ERI3: variants seen among roughly 807,000 people sequenced by gnomAD.
ERI3 encodes the protein ERI1 exoribonuclease family member 3.
ERI3 carries 18 observed loss-of-function variants against 44.4 expected under a neutral mutation model. The ratio of observed to expected loss-of-function variants is 0.41; its 90% CI spans 0.28 to 0.60. The LOEUF is 0.60. Ranked by LOEUF, ERI3 falls within the 20% of genes least tolerant of loss-of-function variation. The pLI, the probability that ERI3 is intolerant of heterozygous loss-of-function variation, is 0.36. For synonymous variants in ERI3, 183 were observed against 164.8 expected, an observed-to-expected ratio of 1.11 and a Z score of -0.84; for missense variants, 294 against 435.5, an observed-to-expected ratio of 0.68 and a Z score of 2.89.
rs1644590999 is a variant in ERI3, at chr1:44,248,025, G to A, written c.845C>T (p.Ala282Val). Residue 282 changes from alanine (A) to valine (V), a missense_variant, in exon 8 of 9, where the codon GCC becomes GTC. Physicochemically the swap from Ala to Val is moderately conservative, Grantham distance 64. This residue lies in a region of ERI3 where 187 missense variants were observed against 338.6 expected (regional missense o/e 0.55). Transcript: ENST00000372257. ...WINLKKAYSF[A>V]MGCWPKNGLL... ...TCCATTCTTGGGCCAGCAGCCCATG[G>A]CGAAGCTGTAAGCCTGGAAGACAGG... 1.2e-6 allele frequency: 2 copies of A among 1,611,572 alleles called. No individual in the cohort carries two copies. Among genetic ancestry groups the A allele is most frequent in the African/African-American group, 1.3e-5 (1 of 74,884 alleles).
intron 8 of ERI3, among the ~76,000 whole-genome samples, chr1:44,223,518 G>A (rs1255213542): frequency 6.6e-6 from 1 of 152,120 alleles, no homozygotes; most frequent in Non-Finnish European, 1.5e-5. Context: ...CGGTACCCTA[G>A]GGACCGTGGC....
At chr1:44,294,266 G>C (rs1036084223) in intron 6 of ERI3, among the ~76,000 whole-genome samples, 1 of 152,168 alleles carries the variant, frequency 6.6e-6, no homozygotes. Flanking sequence ...CAGGCTGCTG[G>C]TGCCATGTTG....
intron 5 of ERI3, among the ~76,000 whole-genome samples, chr1:44,310,379 C>T (rs144363654): frequency 1.3e-5 from 2 of 152,254 alleles, no homozygotes; most frequent in East Asian, 1.9e-4. Flanking sequence ...GCCTTCCCTG[C>T]GAATATAAGC....
intron 8 of ERI3, among the ~76,000 whole-genome samples, chr1:44,232,355 G>C: frequency 6.6e-6 from 1 of 152,148 alleles, no homozygotes; most frequent in Admixed American, 6.5e-5. Flanking sequence ...GTTTCTTGCT[G>C]TATCTCAGGA....
At chr1:44,344,272 T>C (rs1646741750) in intron 2 of ERI3, among the ~76,000 whole-genome samples, 1 of 135,288 alleles carries the variant, frequency 7.4e-6, no homozygotes, top group Non-Finnish European at 1.7e-5. Context: ...AATAAATAAA[T>C]AAATAAAATT....
chr1:44,325,800 T>C (rs572796003), intron 3 of ERI3, among the ~76,000 whole-genome samples: 3 of 152,236 alleles, frequency 2.0e-5, no homozygotes, highest in African/African-American at 7.2e-5. Flanking sequence ...TAGCTGGGAT[T>C]ACCATGCCCA....
intron 7 of ERI3, among the ~76,000 whole-genome samples, chr1:44,265,015 G>A (rs534412541): frequency 6.6e-6 from 1 of 152,280 alleles, no homozygotes; most frequent in South Asian, 2.1e-4. Flanking sequence ...ACATGCCCAG[G>A]TATCCAGAGC....
In ERI3 at chr1:44,259,461, CG is replaced by C. The variant is rs556937699; in HGVS notation, c.832-11424del. ...AGCCCATGCAGGACCTCAAAGGACA[CG>C]GTAAGGGCTTTGTACTGTTTCCTAA... On this transcript the variant is annotated intron_variant, in intron 7 of 8. Coordinates refer to ENST00000372257, the MANE Select transcript of ERI3 (RefSeq NM_024066.3). Among the ~76,000 whole-genome samples the C allele has an allele frequency of 2.7e-3, 409 of 152,228 alleles. 4 individuals carry two copies. Among genetic ancestry groups the C allele is most frequent in the Non-Finnish European group, 4.1e-3 (281 of 68,024 alleles).
At chr1:44,267,944 G>GGCACTTT (rs1645020684) in intron 7 of ERI3, among the ~76,000 whole-genome samples, 1 of 152,206 alleles carries the variant, frequency 6.6e-6, no homozygotes, top group South Asian at 2.1e-4. Context: ...AGTCACAGCA[G>GGCACTTT]GCACTAGCAG....
chr1:44,270,581 A>G (rs900362920), intron 7 of ERI3, among the ~76,000 whole-genome samples: 7 of 152,160 alleles, frequency 4.6e-5, no homozygotes, highest in Non-Finnish European at 8.8e-5. Context: ...CCCAGAATTC[A>G]CTTCCTCAAG....
chr1:44,286,911 C>T (rs920116657), intron 6 of ERI3, among the ~76,000 whole-genome samples: 2 of 152,112 alleles, frequency 1.3e-5, no homozygotes, highest in East Asian at 1.9e-4. Context: ...GACAATATGC[C>T]GTGAGTCAGG....
chr1:44,279,235 T>C (rs1017338236), intron 7 of ERI3, among the ~76,000 whole-genome samples: 2 of 133,806 alleles, frequency 1.5e-5, no homozygotes, highest in African/African-American at 2.5e-5. Context: ...TGCCAATTTT[T>C]TTTTATTTCT....
chr1:44,223,938 T>A (rs1285249755), intron 8 of ERI3, among the ~76,000 whole-genome samples: 2 of 152,224 alleles, frequency 1.3e-5, no homozygotes, highest in African/African-American at 4.8e-5. Flanking sequence ...TCTTTCTAGA[T>A]AAACCCTAAA....
At chr1:44,278,435 C>T (rs993660585) in intron 7 of ERI3, among the ~76,000 whole-genome samples, 40 of 150,820 alleles carry the variant, frequency 2.7e-4, no homozygotes, top group African/African-American at 9.5e-4. Flanking sequence ...CAAGATCATG[C>T]CACTGCACTT....
intron 2 of ERI3, among the ~76,000 whole-genome samples, chr1:44,343,108 C>T (rs886467480): frequency 2.0e-5 from 3 of 150,938 alleles, no homozygotes; most frequent in African/African-American, 4.9e-5. Flanking sequence ...AAGATGAGCG[C>T]ATAACATCTT....
intron 2 of ERI3, among the ~76,000 whole-genome samples, chr1:44,350,328 C>T (rs1222377544): frequency 6.6e-6 from 1 of 151,508 alleles, no homozygotes; most frequent in East Asian, 1.9e-4. Flanking sequence ...GTGGCACAAT[C>T]TCGGCTCACT....
chr1:44,288,620 A>G (rs1645441182), intron 6 of ERI3, among the ~76,000 whole-genome samples: 1 of 152,192 alleles, frequency 6.6e-6, no homozygotes, highest in African/African-American at 2.4e-5. Flanking sequence ...CAATCATACA[A>G]CAAGGCAAGG....
At chr1:44,268,822 C>CT (rs1383838723) in intron 7 of ERI3, among the ~76,000 whole-genome samples, 6 of 152,206 alleles carry the variant, frequency 3.9e-5, no homozygotes, top group Non-Finnish European at 5.9e-5. Context: ...CGTTAGGGTA[C>CT]TCAGAGGCCC....
intron 3 of ERI3, 148 bp downstream of exon 3, chr1:44,338,897 C>A: frequency 1.0e-6 from 1 of 985,802 alleles, no homozygotes; most frequent in African/African-American, 1.6e-5. Flanking sequence ...ATACCTGAAA[C>A]AAGTCCTGCT....
Sources: gnomAD v4.1 joint callset for allele counts (sites outside exome capture counted in the v4.1 genomes callset) on GRCh38, gnomAD v4.1.1 for gene constraint, gnomAD v4.1.1 regional missense constraint, MANE v1.5 for transcripts, NCBI Gene and HGNC (gene_info 2026-07-23, HGNC 2026-07-21) for gene names.